The following APBA1 variants were observed in gnomAD, a reference collection of about 807,000 sequenced individuals.
The protein encoded by APBA1 is amyloid beta precursor protein binding family A member 1.
Under a neutral mutation model 86.6 loss-of-function variants are expected in APBA1, and 55 were observed. That is an observed-to-expected ratio of 0.64 (90% CI 0.51 to 0.80). The LOEUF is 0.80. Ranked by LOEUF, APBA1 falls within the 30% of genes least tolerant of loss-of-function variation. The pLI, the probability that APBA1 is intolerant of heterozygous loss-of-function variation, is 0.00. For synonymous variants in APBA1, 511 were observed against 493.9 expected (o/e 1.03, Z -0.46); for missense variants, 1,090 against 1,183.0 (o/e 0.92, Z 1.15).
At chr9:69,531,408 A>C (rs1836431713) in intron 1 of APBA1, among the ~76,000 whole-genome samples, 1 of 152,206 alleles carries the variant, frequency 6.6e-6, no homozygotes, top group African/African-American at 2.4e-5. Context: ...TTATGAACCA[A>C]GTCCTACACT....
At chr9:69,600,162 A>T (rs1013721988) in intron 1 of APBA1, among the ~76,000 whole-genome samples, 4 of 152,132 alleles carry the variant, frequency 2.6e-5, no homozygotes, top group Non-Finnish European at 4.4e-5. Flanking sequence ...GACTCCTGTT[A>T]ACTCCCCTCT....
At chr9:69,633,765 G>T (rs1453342631) in intron 1 of APBA1, among the ~76,000 whole-genome samples, 2 of 152,172 alleles carry the variant, frequency 1.3e-5, no homozygotes, top group Non-Finnish European at 2.9e-5. Flanking sequence ...AGAGTTAAAA[G>T]GAGCATCCTG....
At chr9:69,443,132 A>G (rs750126395) in intron 10 of APBA1, among the ~76,000 whole-genome samples, 17 of 152,070 alleles carry the variant, frequency 1.1e-4, no homozygotes, top group Non-Finnish European at 2.4e-4. Flanking sequence ...TAAACCCCAC[A>G]CAGCAGCAGC....
intron 1 of APBA1, among the ~76,000 whole-genome samples, chr9:69,521,354 T>C (rs1244560822): frequency 6.6e-6 from 1 of 152,168 alleles, no homozygotes; most frequent in Non-Finnish European, 1.5e-5. Context: ...TCCCTATTCA[T>C]GGCATATTTT....
At chr9:69,611,676 C>T (rs1368388092) in intron 1 of APBA1, among the ~76,000 whole-genome samples, 1 of 152,176 alleles carries the variant, frequency 6.6e-6, no homozygotes, top group Non-Finnish European at 1.5e-5. Flanking sequence ...ATCAACTAAT[C>T]AGTTTCTATT....
intron 5 of APBA1, chr9:69,462,937 T>C (rs1053948651): frequency 6.6e-6 from 1 of 152,184 alleles, no homozygotes; most frequent in South Asian, 2.1e-4. Flanking sequence ...GCAATGCTGA[T>C]GCTACTGGTC....
intron 11 of APBA1, among the ~76,000 whole-genome samples, chr9:69,435,296 T>G (rs1834688350): frequency 6.6e-6 from 1 of 152,178 alleles, no homozygotes; most frequent in African/African-American, 2.4e-5. Flanking sequence ...TTATAGTCCT[T>G]TGGGTGTATA....
chr9:69,483,019 A>T (rs1046068233), intron 2 of APBA1, among the ~76,000 whole-genome samples: 9 of 150,326 alleles, frequency 6.0e-5, no homozygotes, highest in African/African-American at 2.2e-4. Context: ...ACCTAATGCT[A>T]GATGCCGAGT....
intron 2 of APBA1, among the ~76,000 whole-genome samples, chr9:69,496,013 C>T (rs931215211): frequency 6.6e-5 from 10 of 152,222 alleles, no homozygotes; most frequent in African/African-American, 1.7e-4. Flanking sequence ...AGGGCCAATA[C>T]GGTTTGAACC....
chr9:69,602,103 A>T (rs931270329), intron 1 of APBA1, among the ~76,000 whole-genome samples: 1 of 152,248 alleles, frequency 6.6e-6, no homozygotes, highest in African/African-American at 2.4e-5. Context: ...TAATTTATTA[A>T]TCCCTTCTTT....
chr9:69,558,719 C>A (rs1836903885), intron 1 of APBA1, among the ~76,000 whole-genome samples: 1 of 151,982 alleles, frequency 6.6e-6, no homozygotes, highest in Admixed American at 6.6e-5. Context: ...CCAATAGTTA[C>A]TCTTCCTCCT....
chr9:69,616,466 T>C (rs1822703029), intron 1 of APBA1, among the ~76,000 whole-genome samples: 2 of 152,222 alleles, frequency 1.3e-5, no homozygotes, highest in Non-Finnish European at 2.9e-5. Flanking sequence ...GGGATTGTCA[T>C]AGTACTATTA....
chr9:69,450,056 G>GTTTTTT lies in APBA1; in HGVS notation c.1969-266_1969-261dup, dbSNP rs58417611. 3.7e-3 allele frequency among the ~76,000 whole-genome samples: 344 copies of GTTTTTT among 94,136 alleles called. 17 individuals are homozygous for GTTTTTT. Among genetic ancestry groups the GTTTTTT allele is most frequent in the African/African-American group, 0.014 (319 of 22,848 alleles). 61.8% of individuals were successfully genotyped at this position (94,136 alleles called of 152,430 possible). A position where few individuals can be genotyped will look rare whatever the true frequency, so the allele number is the denominator to read the frequency against. On this transcript the variant is annotated intron_variant, in intron 9 of 12. Transcript: ENST00000265381. ...CAGCACACAACCATGAGGACCACCA[G>GTTTTTT]TTTTTTTTTTTTTTTTTTTTTTTTT...
At chr9:69,637,884 G>A (rs912803819) in intron 1 of APBA1, among the ~76,000 whole-genome samples, 3 of 152,202 alleles carry the variant, frequency 2.0e-5, no homozygotes, top group African/African-American at 4.8e-5. Flanking sequence ...TAGAAAAAAG[G>A]AAGGCAGGAC....
At chr9:69,532,484 C>G (rs1199195614) in intron 1 of APBA1, among the ~76,000 whole-genome samples, 2 of 152,194 alleles carry the variant, frequency 1.3e-5, no homozygotes, top group Non-Finnish European at 2.9e-5. Flanking sequence ...CCTGTGACAT[C>G]TGTGTGTGTT....
intron 5 of APBA1, among the ~76,000 whole-genome samples, 192 bp from the exon 6 acceptor site, chr9:69,458,380 G>A (rs150396424): frequency 1.3e-5 from 2 of 152,346 alleles, no homozygotes; most frequent in East Asian, 3.9e-4. Context: ...TATGTGGGAA[G>A]TGGTGAAGTG....
chr9:69,476,713 A>C (rs1311919336), intron 2 of APBA1, among the ~76,000 whole-genome samples: 3 of 152,206 alleles, frequency 2.0e-5, no homozygotes, highest in Admixed American at 6.5e-5. Flanking sequence ...TCAGCATTTT[A>C]ACATCCAAAC....
chr9:69,487,652 C>T (rs1328311911), intron 2 of APBA1, among the ~76,000 whole-genome samples: 3 of 152,008 alleles, frequency 2.0e-5, no homozygotes, highest in Non-Finnish European at 2.9e-5. Flanking sequence ...GGTTAGTTAT[C>T]GTGAGAGTGG....
chr9:69,499,463 C>T (rs889852776), intron 2 of APBA1, among the ~76,000 whole-genome samples: 4 of 152,038 alleles, frequency 2.6e-5, no homozygotes, highest in Admixed American at 6.6e-5. Context: ...GTGTAATCAG[C>T]AAGAGGAAAT....
Sources: gnomAD v4.1 joint callset for allele counts (sites outside exome capture counted in the v4.1 genomes callset) on GRCh38, gnomAD v4.1.1 for gene constraint, MANE v1.5 for transcripts, NCBI Gene and HGNC (gene_info 2026-07-23, HGNC 2026-07-21) for gene names.